The following LRP1B variants were observed in gnomAD, a reference collection of about 807,000 sequenced individuals.
LRP1B encodes the protein low-density lipoprotein receptor-related protein 1B.
In LRP1B, 217 loss-of-function variants were observed where a neutral mutation model predicts 556.6. The ratio of observed to expected loss-of-function variants is 0.39; its 90% CI spans 0.35 to 0.44. The LOEUF (loss-of-function observed/expected upper bound fraction) is 0.44. Ranked by LOEUF, LRP1B falls within the 20% of genes least tolerant of loss-of-function variation. LRP1B has a pLI of 1.00. For synonymous variants in LRP1B, 2,047 were observed against 1,865.8 expected (o/e 1.10, Z -2.50); for missense variants, 5,053 against 5,620.8 (o/e 0.90, Z 3.23).
intron 2 of LRP1B, among the ~76,000 whole-genome samples, chr2:141,576,047 G>T (rs1471991648): frequency 6.6e-6 from 1 of 152,150 alleles, no homozygotes; most frequent in African/African-American, 2.4e-5. Context: ...ATTCCTCAAG[G>T]ATCCAGAACC....
chr2:140,899,383 T>C (rs556771779), intron 23 of LRP1B, among the ~76,000 whole-genome samples: 19 of 150,874 alleles, frequency 1.3e-4, no homozygotes, highest in Non-Finnish European at 2.2e-4. Context: ...AAATCATCAT[T>C]AGTTTGGCAT....
intron 3 of LRP1B, among the ~76,000 whole-genome samples, chr2:141,374,088 CTT>C (rs1689339496): frequency 6.6e-6 from 1 of 152,064 alleles, no homozygotes; most frequent in Non-Finnish European, 1.5e-5. Context: ...TATGAGAAGA[CTT>C]TATTTCTTCT....
chr2:140,753,150 G>C (rs1372703906), intron 35 of LRP1B, among the ~76,000 whole-genome samples: 1 of 152,082 alleles, frequency 6.6e-6, no homozygotes, highest in Non-Finnish European at 1.5e-5. Flanking sequence ...TTTTGCAATA[G>C]TGTGATCATA....
chr2:141,973,961 C>A (rs1247782669), intron 1 of LRP1B, among the ~76,000 whole-genome samples: 4 of 151,838 alleles, frequency 2.6e-5, no homozygotes, highest in Non-Finnish European at 5.9e-5. Context: ...AAATGTCTCA[C>A]CCAGTCATTC....
chr2:142,015,417 C>A (rs1703088651), intron 1 of LRP1B, among the ~76,000 whole-genome samples: 1 of 152,108 alleles, frequency 6.6e-6, no homozygotes, highest in African/African-American at 2.4e-5. Flanking sequence ...ACCATAAAAA[C>A]CCTAGAAGAA....
At chr2:140,771,985 A>C (rs1689328256) in intron 33 of LRP1B, among the ~76,000 whole-genome samples, 1 of 152,200 alleles carries the variant, frequency 6.6e-6, no homozygotes, top group Non-Finnish European at 1.5e-5. Context: ...TGTTCAATCG[A>C]ACCTGTCATG....
intron 26 of LRP1B, 45 bp downstream of exon 26, chr2:140,868,054 A>G (rs2105155581): frequency 6.5e-7 from 1 of 1,542,846 alleles, no homozygotes; most frequent in Non-Finnish European, 8.7e-7. Context: ...TGTAAATATT[A>G]TCTAAGTAAA....
intron 2 of LRP1B, among the ~76,000 whole-genome samples, chr2:141,510,368 AAAAG>A (rs1207427731): frequency 6.6e-6 from 1 of 152,114 alleles, no homozygotes; most frequent in African/African-American, 2.4e-5. Context: ...CGTCTCTCTC[AAAAG>A]AAAGAATTTC....
At chr2:141,057,021 C>T (rs928611015) in intron 9 of LRP1B, among the ~76,000 whole-genome samples, 8 of 151,814 alleles carry the variant, frequency 5.3e-5, no homozygotes, top group African/African-American at 1.7e-4. Flanking sequence ...AAAATCCTAT[C>T]GGCTCTATAT....
chr2:141,279,294 A>T (rs1294989976), intron 3 of LRP1B, among the ~76,000 whole-genome samples: 2 of 152,102 alleles, frequency 1.3e-5, no homozygotes, highest in Non-Finnish European at 2.9e-5. Flanking sequence ...ATCAAGGCAT[A>T]TACTCAGGAG....
chr2:141,832,311 CCTAT>C (rs1312030264), intron 1 of LRP1B, among the ~76,000 whole-genome samples: 1 of 136,060 alleles, frequency 7.3e-6, no homozygotes, highest in African/African-American at 2.8e-5. Context: ...CAATAATTAT[CCTAT>C]CTCTTTCTCT....
intron 2 of LRP1B, among the ~76,000 whole-genome samples, chr2:141,525,664 A>G (rs1405806685): frequency 6.6e-6 from 1 of 152,048 alleles, no homozygotes; most frequent in African/African-American, 2.4e-5. Context: ...GAAGCAATTA[A>G]AAGAAAAGGA....
At chr2:141,153,657 T>A (rs999306260) in intron 7 of LRP1B, among the ~76,000 whole-genome samples, 1 of 144,378 alleles carries the variant, frequency 6.9e-6, no homozygotes, top group African/African-American at 2.5e-5. Flanking sequence ...GCTTTACATA[T>A]CTATTTCTCA....
chr2:140,816,574 ATATT>A (rs1392003290), intron 31 of LRP1B, among the ~76,000 whole-genome samples: 3 of 152,138 alleles, frequency 2.0e-5, no homozygotes, highest in East Asian at 1.9e-4. Context: ...CACAAAAACA[ATATT>A]TAAAGTTTCT....
intron 2 of LRP1B, among the ~76,000 whole-genome samples, chr2:141,672,448 G>C (rs910156063): frequency 6.6e-6 from 1 of 152,138 alleles, no homozygotes; most frequent in Non-Finnish European, 1.5e-5. Flanking sequence ...GCTATTTCTA[G>C]TCTTCAGAGC....
At chr2:141,846,512 A>C (rs1697649972) in intron 1 of LRP1B, among the ~76,000 whole-genome samples, 1 of 151,578 alleles carries the variant, frequency 6.6e-6, no homozygotes, top group African/African-American at 2.4e-5. Flanking sequence ...GTGGGGAGCT[A>C]TTATTCCCTC....
chr2:140,358,736 A>G, intron 73 of LRP1B, 85 bp downstream of exon 73: 1 of 1,422,294 alleles, frequency 7.0e-7, no homozygotes, highest in Non-Finnish European at 9.8e-7. Context: ...CCACATAAGA[A>G]ATGTATTTTT....
chr2:140,657,658 T>TAC (rs1168847589), intron 41 of LRP1B, among the ~76,000 whole-genome samples: 6 of 147,534 alleles, frequency 4.1e-5, no homozygotes, highest in Non-Finnish European at 8.9e-5. Context: ...TATACATACA[T>TAC]ATATATACAT....
chr2:140,407,338 T>C (rs1684784268), intron 66 of LRP1B, among the ~76,000 whole-genome samples: 1 of 151,936 alleles, frequency 6.6e-6, no homozygotes, highest in Non-Finnish European at 1.5e-5. Context: ...ATAAATGGGA[T>C]CTAATTAAAC....
Sources: allele counts gnomAD v4.1 joint callset (sites outside exome capture counted in the v4.1 genomes callset), GRCh38; gene constraint gnomAD v4.1.1; transcripts MANE v1.5; gene names NCBI Gene and HGNC (gene_info 2026-07-23, HGNC 2026-07-21).